Variants in COG5 observed in about 807,000 individuals in gnomAD.
COG5 encodes component of oligomeric golgi complex 5, also known as conserved oligomeric Golgi complex subunit 5.
Under a neutral mutation model 110.4 loss-of-function variants are expected in COG5, and 86 were observed. That is an observed-to-expected ratio of 0.78 (90% CI 0.65 to 0.93). The LOEUF is 0.93. Ranked by LOEUF, COG5 falls within the 40% of genes least tolerant of loss-of-function variation. The pLI is 0.00. For synonymous variants in COG5, 360 were observed against 334.6 expected (o/e 1.08, Z -0.83); for missense variants, 1,077 against 987.0 (o/e 1.09, Z -1.22).
Position 107,423,498 on chromosome 7 carries a change from T to A in COG5, c.539-10866A>T, listed in dbSNP as rs1160873197. 2.0e-5 allele frequency among the ~76,000 whole-genome samples: 3 copies of A among 152,126 alleles called. No homozygotes were observed. In the East Asian group the frequency reaches 5.8e-4, roughly 29 times the overall value. On this transcript the variant is annotated intron_variant, in intron 6 of 21. Coordinates refer to ENST00000297135, the MANE Select transcript of COG5 (RefSeq NM_006348.5). Reference sequence around the variant, plus strand: ...TCAACAGGCCCAGATGTTTTCATTATCACTGAAAAAAGAAATCAATTCTAT... The same window carrying A: ...TCAACAGGCCCAGATGTTTTCATTAACACTGAAAAAAGAAATCAATTCTAT...
chr7:107,415,910 GTA>G (rs528850668), intron 6 of COG5, among the ~76,000 whole-genome samples: 2 of 61,696 alleles, frequency 3.2e-5, no homozygotes, highest in Non-Finnish European at 5.7e-5. Context: ...ACGTATGTAT[GTA>G]TGTGTGTGTA....
intron 6 of COG5, among the ~76,000 whole-genome samples, chr7:107,497,124 C>T (rs1032058178): frequency 5.3e-5 from 8 of 152,104 alleles, no homozygotes; most frequent in African/African-American, 1.9e-4. Flanking sequence ...GCAAGAGGCT[C>T]ACTTGAGCCC....
At chr7:107,302,231 A>T (rs1002523399) in intron 11 of COG5, among the ~76,000 whole-genome samples, 1 of 152,222 alleles carries the variant, frequency 6.6e-6, no homozygotes, top group African/African-American at 2.4e-5. Flanking sequence ...CTGAATCTCA[A>T]TAAAATCATG....
intron 6 of COG5, among the ~76,000 whole-genome samples, chr7:107,449,295 G>A (rs899193841): frequency 1.3e-5 from 2 of 152,100 alleles, no homozygotes; most frequent in African/African-American, 2.4e-5. Context: ...ATACGTGCAC[G>A]TTCTCCACAT....
chr7:107,351,791 C>A (rs2129041639), intron 10 of COG5, among the ~76,000 whole-genome samples: 1 of 149,966 alleles, frequency 6.7e-6, no homozygotes, highest in African/African-American at 2.4e-5. Flanking sequence ...GAATGGCGAT[C>A]ATTAAAAAGT....
At chr7:107,355,100 C>T (rs1392637531) in intron 10 of COG5, among the ~76,000 whole-genome samples, 1 of 152,116 alleles carries the variant, frequency 6.6e-6, no homozygotes, top group Non-Finnish European at 1.5e-5. Context: ...ATGAGCGTAG[C>T]AGGACAGTTT....
intron 12 of COG5, among the ~76,000 whole-genome samples, chr7:107,295,614 T>G (rs955518422): frequency 2.0e-5 from 3 of 152,160 alleles, no homozygotes; most frequent in African/African-American, 7.2e-5. Flanking sequence ...TCTTCCTTGT[T>G]TGTGTCCTTG....
chr7:107,449,330 C>A (rs1795193596), intron 6 of COG5, among the ~76,000 whole-genome samples: 2 of 152,172 alleles, frequency 1.3e-5, no homozygotes, highest in African/African-American at 4.8e-5. Flanking sequence ...ACATTCTGCA[C>A]ATGTATCCAA....
At chr7:107,540,878 C>A (rs1237960882) in intron 5 of COG5, among the ~76,000 whole-genome samples, 2 of 151,878 alleles carry the variant, frequency 1.3e-5, no homozygotes, top group South Asian at 4.2e-4. Flanking sequence ...AGGCCGGGCA[C>A]GGTGGCTCAT....
At chr7:107,430,981 A>G (rs1793988385) in intron 6 of COG5, among the ~76,000 whole-genome samples, 1 of 152,198 alleles carries the variant, frequency 6.6e-6, no homozygotes, top group Non-Finnish European at 1.5e-5. Context: ...AGGGAAGTGG[A>G]CAACCTCCAA....
At chr7:107,215,444 G>A (rs1424107637) in intron 19 of COG5, among the ~76,000 whole-genome samples, 2 of 152,038 alleles carry the variant, frequency 1.3e-5, no homozygotes, top group African/African-American at 4.8e-5. Flanking sequence ...GTGGTGGGTG[G>A]ATCACAAGGT....
chr7:107,269,220 A>G (rs2116705099), intron 14 of COG5, among the ~76,000 whole-genome samples: 1 of 152,332 alleles, frequency 6.6e-6, no homozygotes, highest in South Asian at 2.1e-4. Context: ...TCACGCCTGT[A>G]ATCCCAGCAC....
intron 7 of COG5, among the ~76,000 whole-genome samples, chr7:107,392,415 G>C (rs1790685898): frequency 6.6e-6 from 1 of 152,122 alleles, no homozygotes; most frequent in East Asian, 1.9e-4. Context: ...CTGAAGTATA[G>C]AGAAGTTAAG....
intron 5 of COG5, among the ~76,000 whole-genome samples, chr7:107,539,171 T>C (rs1230247443): frequency 6.6e-6 from 1 of 151,990 alleles, no homozygotes; most frequent in Non-Finnish European, 1.5e-5. Flanking sequence ...GCCTGTTGTC[T>C]CAGCTACTCA....
chr7:107,303,735 C>A (rs908436446), intron 11 of COG5, among the ~76,000 whole-genome samples: 6 of 152,124 alleles, frequency 3.9e-5, no homozygotes, highest in Admixed American at 3.9e-4. Context: ...GCCACCACAC[C>A]CAGCCAAAGG....
At chr7:107,368,443 G>C (rs1249458692) in intron 8 of COG5, among the ~76,000 whole-genome samples, 2 of 151,966 alleles carry the variant, frequency 1.3e-5, no homozygotes, top group African/African-American at 2.4e-5. Flanking sequence ...GGTTATATAT[G>C]AGAGAGAGAG....
chr7:107,343,755 T>C (rs147759083), intron 10 of COG5, among the ~76,000 whole-genome samples: 4 of 152,240 alleles, frequency 2.6e-5, no homozygotes, highest in African/African-American at 7.2e-5. Flanking sequence ...TCATGGGCTG[T>C]AGAATGGATG....
intron 17 of COG5, among the ~76,000 whole-genome samples, chr7:107,243,498 C>T (rs527241073): frequency 5.6e-5 from 7 of 124,002 alleles, no homozygotes; most frequent in Admixed American, 4.9e-4. Context: ...GGGGACAGAG[C>T]GAGACTCCAT....
At chr7:107,396,155 T>C (rs993616522) in intron 7 of COG5, among the ~76,000 whole-genome samples, 7 of 152,164 alleles carry the variant, frequency 4.6e-5, no homozygotes, top group African/African-American at 1.7e-4. Context: ...TCTAGAAGAC[T>C]GAAAACTTAA....
Sources: allele counts gnomAD v4.1 joint callset (sites outside exome capture counted in the v4.1 genomes callset), GRCh38; gene constraint gnomAD v4.1.1; transcripts MANE v1.5; gene names NCBI Gene and HGNC (gene_info 2026-07-23, HGNC 2026-07-21).